The following MFSD2B variants were observed in gnomAD, a reference collection of about 807,000 sequenced individuals.
MFSD2B encodes the protein MFSD2 lysolipid transporter B, sphingolipid.
Under a neutral mutation model 58.4 loss-of-function variants are expected in MFSD2B, and 56 were observed. That is an observed-to-expected ratio of 0.96 (90% CI 0.77 to 1.20). The LOEUF (loss-of-function observed/expected upper bound fraction) is 1.20, where lower values mean the gene tolerates loss of function less well. MFSD2B is among the 50% of genes most tolerant of loss of function. MFSD2B has a pLI of 0.00. For missense variants in MFSD2B, 645 were observed against 667.6 expected (o/e 0.97, Z 0.37); for synonymous variants, 287 against 294.4 (o/e 0.97, Z 0.26).
chr2:24,011,519 T>A (rs543691517), intron 1 of MFSD2B, among the ~76,000 whole-genome samples: 1 of 152,242 alleles, frequency 6.6e-6, no homozygotes, highest in South Asian at 2.1e-4. Flanking sequence ...AGACCTTCCC[T>A]TCACAAGAGC....
rs1356968711 is a variant in MFSD2B at position 24,012,178 on chromosome 2, AC to A, written c.97-1106del. 2.3e-4 allele frequency among the ~76,000 whole-genome samples: 31 copies of A among 137,738 alleles called. No individual in the cohort carries two copies. The highest frequency in any genetic ancestry group is 3.8e-3 in the Middle Eastern group (1 of 264). 90.4% of individuals were successfully genotyped at this position (137,738 alleles called of 152,430 possible). ...CACACACACACACACACACACACAC[AC>A]AAAAACAGACAAAAAAACCCTGCAA... On this transcript the variant is annotated intron_variant, in intron 1 of 13. Transcript: ENST00000338315. This position sits in a 1 kb window ranked among gnomAD's most constrained non-coding sequence, Gnocchi z 4.5.
At chr2:24,010,662 C>T (rs1708921645) in intron 1 of MFSD2B, among the ~76,000 whole-genome samples, 1 of 152,126 alleles carries the variant, frequency 6.6e-6, no homozygotes, top group Non-Finnish European at 1.5e-5. Flanking sequence ...GCCATGGGCT[C>T]CGACAAGAAG....
In MFSD2B at chr2:24,023,722, C is replaced by A. The variant is rs774438786; in HGVS notation, c.1309C>A (p.Leu437Met). Residue 437 changes from leucine to methionine, a missense_variant, in exon 12 of 14, where the codon CTG becomes ATG. Transcript: ENST00000338315. The surrounding 1 kb of genome is among the most constrained non-coding windows in gnomAD (Gnocchi z 5.0). ...ACALGISTLS[L>M]EFSGYKAGVC... is the part of the protein sequence containing the mutation. ...TGCCCTGGGCATCTCCACCCTCAGT[C>A]TGGAGTGAGTCCCAGGGTTAGGATA... The A allele has an allele frequency of 4.3e-6, 7 of 1,613,748 alleles. No individual in the cohort carries two copies. Among genetic ancestry groups the A allele is most frequent in the Non-Finnish European group, 5.1e-6 (6 of 1,179,720 alleles).
chr2:24,026,518 C>G lies in MFSD2B; in HGVS notation c.*1062C>G, dbSNP rs529183293. The G allele has an allele frequency of 6.6e-6, 1 of 152,124 alleles. No individual in the cohort carries two copies. Among genetic ancestry groups the G allele is most frequent in the Non-Finnish European group, 1.5e-5 (1 of 68,030 alleles). The allele number at this position is 152,124 out of a possible 1,614,324, so 9.4% of individuals were successfully genotyped here. ...GAAACTTTCAGCCTTATCTTCCTAC[C>G]GGGAGGGGACAGGGGCTGAAGACTG... On this transcript the variant is annotated 3_prime_UTR_variant, in exon 14 of 14. Coordinates refer to ENST00000338315, the MANE Select transcript of MFSD2B (RefSeq NM_001346880.2).
chr2:24,012,415 TG>T lies in MFSD2B; in HGVS notation c.97-869del, dbSNP rs1161631368. ...GCGGCCACTATGCCTGGCTAATTTT[TG>T]TGTTTCTAGTAGAGATGGGGTTTTG... On this transcript the variant is annotated intron_variant, in intron 1 of 13. Transcript: ENST00000338315. This position sits in a 1 kb window ranked among gnomAD's most constrained non-coding sequence, Gnocchi z 4.5. Among the ~76,000 whole-genome samples the T allele has an allele frequency of 2.0e-5, 3 of 152,146 alleles. No individual in the cohort carries two copies. The highest frequency in any genetic ancestry group is 7.2e-5 in the African/African-American group (3 of 41,428).
Position 24,021,984 on chromosome 2 carries a change from G to T in MFSD2B, c.894+14G>T. The T allele has an allele frequency of 6.2e-7, 1 of 1,613,948 alleles. No individual in the cohort carries two copies. ...GCTGCTGTTCAGGTACCTCTGGCCAGCTGCCCCCGACAGGCTTGGTGCTGG... is the reference window on the plus strand; with the variant it reads ...GCTGCTGTTCAGGTACCTCTGGCCATCTGCCCCCGACAGGCTTGGTGCTGG... On this transcript the variant is annotated intron_variant, in intron 8 of 13. Coordinates refer to ENST00000338315, the MANE Select transcript of MFSD2B (RefSeq NM_001346880.2). This position sits in a 1 kb window ranked among gnomAD's most constrained non-coding sequence, Gnocchi z 5.7.
rs1284847697 is a variant in MFSD2B at position 24,012,177 on chromosome 2, CACA to C, written c.97-1106_97-1104del. On this transcript the variant is annotated intron_variant, in intron 1 of 13. Coordinates refer to ENST00000338315, the MANE Select transcript of MFSD2B (RefSeq NM_001346880.2). The surrounding 1 kb of genome is among the most constrained non-coding windows in gnomAD (Gnocchi z 4.5). ...ACACACACACACACACACACACACA[CACA>C]AAAACAGACAAAAAAACCCTGCAAT... 0.029 allele frequency among the ~76,000 whole-genome samples: 4,289 copies of C among 146,958 alleles called. 112 individuals are homozygous for C. The highest frequency in any genetic ancestry group is 0.079 in the South Asian group (367 of 4,652).
Position 24,022,409 on chromosome 2 carries a change from C to A in MFSD2B, c.895-24C>A, listed in dbSNP as rs752511553. 17 of 1,598,992 alleles carry A rather than the reference C, an allele frequency of 1.1e-5. No individual in the cohort carries two copies. The Admixed American group carries it at 2.4e-4, about 22-fold the overall frequency. ...GAGCTCCTGCCATGCCCTGCACATACCCACTTCCTGTCCATCTCCTCAGGT... is the reference window on the plus strand; with the variant it reads ...GAGCTCCTGCCATGCCCTGCACATAACCACTTCCTGTCCATCTCCTCAGGT... On this transcript the variant is annotated intron_variant, in intron 8 of 13. Coordinates refer to ENST00000338315, the MANE Select transcript of MFSD2B (RefSeq NM_001346880.2). This position sits in a 1 kb window ranked among gnomAD's most constrained non-coding sequence, Gnocchi z 4.5.
chr2:24,010,116 C>G lies in MFSD2B; in HGVS notation c.20C>G (p.Pro7Arg). Residue 7 changes from proline (P) to arginine (R), a missense_variant, in exon 1 of 14, where the codon CCA (proline) becomes CGA (arginine). By Grantham distance (103) the Pro-to-Arg change is moderately radical. Coordinates refer to ENST00000338315, the MANE Select transcript of MFSD2B (RefSeq NM_001346880.2). MAAPPA[P>R]AAKGSPQPEP... ...GTGGCAATGGCGGCGCCCCCTGCAC[C>G]AGCCGCCAAGGGGTCCCCGCAGCCG... 2 of 1,460,940 alleles carry G rather than the reference C, an allele frequency of 1.4e-6. No individual in the cohort carries two copies. The highest frequency in any genetic ancestry group is 1.8e-6 in the Non-Finnish European group (2 of 1,113,098). 90.5% of individuals were successfully genotyped at this position (1,460,940 alleles called of 1,614,324 possible).
chr2:24,016,904 C>T lies in MFSD2B; in HGVS notation c.407C>T (p.Pro136Leu), dbSNP rs571756001. ...LAYFFLWFLP[P>L]FTSLRGLWYT... ...TACTTCTTCCTGTGGTTCCTGCCCC[C>T]CTTCACCAGCCTGCGAGGCCTCTGG... Residue 136 changes from proline to leucine, a missense_variant, in exon 4 of 14, where the codon CCC (proline) becomes CTC (leucine). By Grantham distance (98) the Pro-to-Leu change is moderately conservative. Coordinates refer to ENST00000338315, the MANE Select transcript of MFSD2B (RefSeq NM_001346880.2). 1.1e-5 allele frequency: 17 copies of T among 1,613,810 alleles called. No individual in the cohort carries two copies. Among genetic ancestry groups the T allele is most frequent in the East Asian group, 2.2e-5 (1 of 44,878 alleles).
In MFSD2B at chr2:24,017,053, G is replaced by A; in HGVS notation, c.471+85G>A. On this transcript the variant is annotated intron_variant, in intron 4 of 13. Transcript: ENST00000338315. This position sits in a 1 kb window ranked among gnomAD's most constrained non-coding sequence, Gnocchi z 4.8. ...CTCTGAAGTGTGCTGTGGGGGCAGG[G>A]CTGCCGCCCTCCCCACCCGCCTGTG... 1 of 1,530,780 alleles carries A rather than the reference G, an allele frequency of 6.5e-7. No individual in the cohort carries two copies. Among genetic ancestry groups the A allele is most frequent in the Admixed American group, 1.8e-5 (1 of 54,126 alleles). The allele number at this position is 1,530,780 out of a possible 1,614,324, so 94.8% of individuals were successfully genotyped here.
chr2:24,023,096 G>C lies in MFSD2B; in HGVS notation c.1060-34G>C. On this transcript the variant is annotated intron_variant, in intron 10 of 13. Coordinates refer to ENST00000338315, the MANE Select transcript of MFSD2B (RefSeq NM_001346880.2). The surrounding 1 kb of genome is among the most constrained non-coding windows in gnomAD (Gnocchi z 5.0). ...AAGGAGCAGGCCCCACGAAGAAGCA[G>C]GTGGCGGGACAGCTGGTGTGTGTGT... is the stretch of plus-strand genomic sequence containing the variant. The C allele has an allele frequency of 6.4e-7, 1 of 1,564,558 alleles. No individual in the cohort carries two copies. The highest frequency in any genetic ancestry group is 8.8e-7 in the Non-Finnish European group (1 of 1,139,354).
chr2:24,013,076 C>T (rs1238920077), intron 1 of MFSD2B: 4 of 409,828 alleles, frequency 9.8e-6, no homozygotes, highest in Non-Finnish European at 1.7e-5. Context: ...AACTTCCCCC[C>T]TGGAAATGTT....
In MFSD2B at chr2:24,016,935, G is replaced by A. The variant is rs554518996; in HGVS notation, c.438G>A (p.Thr146=). 8.7e-6 allele frequency: 14 copies of A among 1,613,898 alleles called. No individual in the cohort carries two copies. The East Asian group carries it at 1.1e-4, about 13-fold the overall frequency. ...CCAGCCTGCGAGGCCTCTGGTACAC[G>A]ACTTTCTACTGCCTGTTCCAGGCCC... ...PFTSLRGLWY[T]TFYCLFQALA... is the part of the protein sequence containing the mutation. The change falls in exon 4 of 14, where the codon ACG becomes ACA. Residue 146 remains threonine, a synonymous_variant. Transcript: ENST00000338315.
chr2:24,013,245 G>A (rs201017756), intron 1 of MFSD2B, 40 bp from the exon 2 acceptor site: 2 of 1,546,544 alleles, frequency 1.3e-6, no homozygotes, highest in Non-Finnish European at 1.8e-6. Context: ...CCTGTTTTGT[G>A]TCTGTTGGGA....
rs1709196913 is a variant in MFSD2B, at chr2:24,017,453, T to G, written c.551-5T>G. 4 of 1,601,588 alleles carry G rather than the reference T, an allele frequency of 2.5e-6. No homozygotes were observed. The highest frequency in any genetic ancestry group is 3.4e-6 in the Non-Finnish European group (4 of 1,174,284). ...CAGTCACCTTAAGTGGCACTCTGTC[T>G]CCAGGGATGACTGTGGAGATGGCGG... On this transcript the variant is annotated splice_region_variant and splice_polypyrimidine_tract_variant and intron_variant, in intron 5 of 13. Coordinates refer to ENST00000338315, the MANE Select transcript of MFSD2B (RefSeq NM_001346880.2). The surrounding 1 kb of genome is among the most constrained non-coding windows in gnomAD (Gnocchi z 4.8).
In MFSD2B at chr2:24,021,641, C is replaced by T. The variant is rs765369942; in HGVS notation, c.682-7C>T. ...ATCACCCATCCCAGTCCTGTCCTGT[C>T]CCACAGGCCCATCTCTACTGCATTG... is the stretch of plus-strand genomic sequence containing the variant. On this transcript the variant is annotated splice_region_variant and splice_polypyrimidine_tract_variant and intron_variant, in intron 6 of 13. Coordinates refer to ENST00000338315, the MANE Select transcript of MFSD2B (RefSeq NM_001346880.2). This position sits in a 1 kb window ranked among gnomAD's most constrained non-coding sequence, Gnocchi z 5.7. 3.7e-6 allele frequency: 6 copies of T among 1,610,464 alleles called. No individual in the cohort carries two copies. In the South Asian group the frequency reaches 4.4e-5, roughly 12 times the overall value.
Position 24,017,257 on chromosome 2 carries a change from G to C in MFSD2B, c.472-29G>C. On this transcript the variant is annotated intron_variant, in intron 4 of 13. Coordinates refer to ENST00000338315, the MANE Select transcript of MFSD2B (RefSeq NM_001346880.2). The surrounding 1 kb of genome is among the most constrained non-coding windows in gnomAD (Gnocchi z 4.8). ...CCCGCTGTCACCAGGCAAAGCTGGG[G>C]GCGGTTCTAAGCTCTGCCGACGCCC... 6.4e-7 allele frequency: 1 copy of C among 1,567,008 alleles called. No individual in the cohort carries two copies. Among genetic ancestry groups the C allele is most frequent in the South Asian group, 1.2e-5 (1 of 85,420 alleles).
In MFSD2B at chr2:24,024,920, G is replaced by A. The variant is rs1007709245; in HGVS notation, c.1491-512G>A. Among the ~76,000 whole-genome samples, 2 of 152,074 alleles carry A rather than the reference G, an allele frequency of 1.3e-5. No individual in the cohort carries two copies. The highest frequency in any genetic ancestry group is 4.8e-5 in the African/African-American group (2 of 41,422). On this transcript the variant is annotated intron_variant, in intron 13 of 13. Coordinates refer to ENST00000338315, the MANE Select transcript of MFSD2B (RefSeq NM_001346880.2). This position sits in a 1 kb window ranked among gnomAD's most constrained non-coding sequence, Gnocchi z 4.3. ...GGATCTACTCACTGTCTGACCTTCC[G>A]GGGAGGCTATGGGAACCTTGAAGGC...
Sources: allele counts gnomAD v4.1 joint callset (sites outside exome capture counted in the v4.1 genomes callset), GRCh38; gene constraint gnomAD v4.1.1; non-coding constraint Gnocchi (gnomAD v3.1); transcripts MANE v1.5; gene names NCBI Gene and HGNC (gene_info 2026-07-23, HGNC 2026-07-21).